Variants in SHISA6 observed in about 807,000 individuals in gnomAD.
The protein encoded by SHISA6 is shisa family member 6.
Under a neutral mutation model 47.9 loss-of-function variants are expected in SHISA6, and 22 were observed. The observed-to-expected ratio is 0.46, with a 90% CI of 0.33 to 0.66. The LOEUF is 0.66. SHISA6 is among the 30% of genes least tolerant of loss of function. SHISA6 has a pLI of 0.02. For missense variants in SHISA6, 680 were observed against 764.6 expected, an observed-to-expected ratio of 0.89 and a Z score of 1.30; for synonymous variants, 388 against 337.8, an observed-to-expected ratio of 1.15 and a Z score of -1.63.
Position 11,457,655 on chromosome 17 carries a change from C to T in SHISA6, c.895+78146C>T, listed in dbSNP as rs1015493538. Among the ~76,000 whole-genome samples the T allele has an allele frequency of 1.0e-4, 15 of 149,300 alleles. 1 individual carries two copies. The highest frequency in any genetic ancestry group is 4.3e-4 in the South Asian group (2 of 4,662). Reference sequence around the variant, plus strand: ...ACTTGGGAGGCTAAGGCAGGAGAATCGCTTGAACCCGGGTGGTGGAGGTTG... The same window carrying T: ...ACTTGGGAGGCTAAGGCAGGAGAATTGCTTGAACCCGGGTGGTGGAGGTTG... On this transcript the variant is annotated intron_variant, in intron 3 of 5. Transcript: ENST00000441885.
chr17:11,360,511 G>A (rs369489010), intron 2 of SHISA6, among the ~76,000 whole-genome samples: 1 of 151,542 alleles, frequency 6.6e-6, no homozygotes, highest in African/African-American at 2.4e-5. Flanking sequence ...AGTGAGCCGA[G>A]CCTGTGCCAC....
chr17:11,462,932 A>C (rs1915726555), intron 3 of SHISA6, among the ~76,000 whole-genome samples: 1 of 152,210 alleles, frequency 6.6e-6, no homozygotes, highest in Non-Finnish European at 1.5e-5. Flanking sequence ...TTATCCATTG[A>C]GGTAGGATAA....
intron 3 of SHISA6, among the ~76,000 whole-genome samples, chr17:11,487,648 GC>G (rs1386093714): frequency 6.6e-6 from 1 of 152,196 alleles, no homozygotes; most frequent in African/African-American, 2.4e-5. Flanking sequence ...GTGTACTAAT[GC>G]CCCTGACTCT....
chr17:11,517,527 G>A lies in SHISA6; in HGVS notation c.896-34369G>A, dbSNP rs148785398. ...GGCCCAAGTCTTTGTTATGGAATCG[G>A]GTTCTTGCTCTGTCACCCAGGCTGG... is the stretch of plus-strand genomic sequence containing the variant. On this transcript the variant is annotated intron_variant, in intron 3 of 5. Coordinates refer to ENST00000441885, the MANE Select transcript of SHISA6 (RefSeq NM_207386.4). Among the ~76,000 whole-genome samples the A allele has an allele frequency of 2.9e-3, 448 of 152,180 alleles. 2 individuals are homozygous for A. The highest frequency in any genetic ancestry group is 4.6e-3 in the Non-Finnish European group (316 of 68,012).
At chr17:11,264,272 T>C (rs1443969012) in intron 2 of SHISA6, among the ~76,000 whole-genome samples, 1 of 152,236 alleles carries the variant, frequency 6.6e-6, no homozygotes, top group East Asian at 1.9e-4. Context: ...CTTTTACATA[T>C]ATTTTCTTAT....
At position 11,329,553 on chromosome 17, in the gene SHISA6, A is replaced by T. The variant is rs548095541; in HGVS notation, c.800-49861A>T. 2.3e-4 allele frequency among the ~76,000 whole-genome samples: 35 copies of T among 152,172 alleles called. 1 individual carries two copies. The South Asian group carries it at 7.1e-3, about 31-fold the overall frequency. ...AATAAGAAGGGGATGGGGTGAAGAG[A>T]TGGGTGGCGGCACAATGCATCTTGG... On this transcript the variant is annotated intron_variant, in intron 2 of 5. Coordinates refer to ENST00000441885, the MANE Select transcript of SHISA6 (RefSeq NM_207386.4).
intron 2 of SHISA6, among the ~76,000 whole-genome samples, chr17:11,300,463 G>A (rs1909887480): frequency 6.6e-6 from 1 of 152,118 alleles, no homozygotes; most frequent in African/African-American, 2.4e-5. Context: ...CTGTTTTCCA[G>A]GCAGCCCTGT....
chr17:11,547,666 A>G (rs1156976532), intron 3 of SHISA6, among the ~76,000 whole-genome samples: 1 of 152,212 alleles, frequency 6.6e-6, no homozygotes, highest in East Asian at 1.9e-4. Flanking sequence ...AAATGAAACC[A>G]AAGAAAATTA....
chr17:11,494,144 G>A (rs1326715084), intron 3 of SHISA6, among the ~76,000 whole-genome samples: 1 of 152,064 alleles, frequency 6.6e-6, no homozygotes, highest in Admixed American at 6.5e-5. Context: ...AGGACTCAGG[G>A]ACTTATCTCA....
intron 2 of SHISA6, among the ~76,000 whole-genome samples, chr17:11,336,407 G>A (rs1911323281): frequency 6.6e-6 from 1 of 152,102 alleles, no homozygotes; most frequent in East Asian, 1.9e-4. Flanking sequence ...AGAGAAGAGA[G>A]GGTGGGCATG....
intron 2 of SHISA6, among the ~76,000 whole-genome samples, chr17:11,325,644 C>T (rs205026): frequency 0.58 from 87,418 of 151,296 alleles, 25,439 homozygotes; most frequent in Middle Eastern, 0.68. Flanking sequence ...CATGTACTTT[C>T]ACGTTTTATA....
intron 1 of SHISA6, among the ~76,000 whole-genome samples, chr17:11,244,809 G>C (rs1467836615): frequency 6.6e-6 from 1 of 152,164 alleles, no homozygotes; most frequent in Admixed American, 6.5e-5. Context: ...AAGACAAACC[G>C]GTTTCAGTGT....
chr17:11,435,454 A>G (rs1008410208), intron 3 of SHISA6, among the ~76,000 whole-genome samples: 4 of 152,094 alleles, frequency 2.6e-5, no homozygotes, highest in Non-Finnish European at 4.4e-5. Flanking sequence ...AGAAATGACA[A>G]TGCAAATAGG....
chr17:11,412,865 C>G (rs1446836104), intron 3 of SHISA6, among the ~76,000 whole-genome samples: 1 of 152,148 alleles, frequency 6.6e-6, no homozygotes, highest in African/African-American at 2.4e-5. Context: ...AAGGAACAAT[C>G]TGGGAAGCAC....
chr17:11,379,384 G>T (rs559664347), intron 2 of SHISA6, 30 bp from the exon 3 acceptor site: 4 of 1,473,782 alleles, frequency 2.7e-6, no homozygotes, highest in East Asian at 2.6e-5. Flanking sequence ...TCGTGGATGC[G>T]CCAGGTAATT....
chr17:11,524,964 G>T (rs752142407), intron 3 of SHISA6, among the ~76,000 whole-genome samples: 1 of 152,164 alleles, frequency 6.6e-6, no homozygotes. Context: ...GAGATGACGG[G>T]GGGGTAGATG....
chr17:11,412,804 C>T (rs979398231), intron 3 of SHISA6, among the ~76,000 whole-genome samples: 1 of 152,164 alleles, frequency 6.6e-6, no homozygotes, highest in Non-Finnish European at 1.5e-5. Flanking sequence ...ATCCCCACCA[C>T]CCCTGGGCCC....
chr17:11,339,322 G>T (rs1911442311), intron 2 of SHISA6, among the ~76,000 whole-genome samples: 1 of 152,008 alleles, frequency 6.6e-6, no homozygotes, highest in African/African-American at 2.4e-5. Flanking sequence ...TGGTCAAATT[G>T]TTTTCATTAT....
At chr17:11,437,365 C>A (rs376047431) in intron 3 of SHISA6, among the ~76,000 whole-genome samples, 2 of 152,162 alleles carry the variant, frequency 1.3e-5, no homozygotes, top group Non-Finnish European at 2.9e-5. Context: ...AGAACATTCT[C>A]GAAGTGGATC....
Sources: allele counts gnomAD v4.1 joint callset (sites outside exome capture counted in the v4.1 genomes callset), GRCh38; gene constraint gnomAD v4.1.1; transcripts MANE v1.5; gene names NCBI Gene and HGNC (gene_info 2026-07-23, HGNC 2026-07-21).